Variants in RBFOX1 observed in about 807,000 individuals in gnomAD.
RBFOX1 encodes the protein RNA binding fox-1 homolog 1, also known as RNA binding protein fox-1 homolog 1.
RBFOX1 carries 8 observed loss-of-function variants against 57.7 expected under a neutral mutation model. That is an observed-to-expected ratio of 0.14 (90% CI 0.08 to 0.25). The LOEUF is 0.25. RBFOX1 is among the 10% of genes least tolerant of loss of function. The probability of loss-of-function intolerance (pLI) is 1.00; values close to 1 mark genes in which losing one functional copy is unlikely to be tolerated. For missense variants in RBFOX1, 611 were observed against 548.5 expected, an observed-to-expected ratio of 1.11 and a Z score of -1.14; for synonymous variants, 326 against 222.4, an observed-to-expected ratio of 1.47 and a Z score of -4.15.
chr16:7,465,238 T>C (rs1168254774), intron 4 of RBFOX1, among the ~76,000 whole-genome samples: 1 of 152,194 alleles, frequency 6.6e-6, no homozygotes, highest in East Asian at 1.9e-4. Context: ...GTCACTTCCT[T>C]AGAGGATCCT....
At chr16:6,305,958 T>C (rs1197187352) in intron 1 of RBFOX1, among the ~76,000 whole-genome samples, 1 of 152,104 alleles carries the variant, frequency 6.6e-6, no homozygotes, top group Non-Finnish European at 1.5e-5. Context: ...CAGTGCAGGG[T>C]GGTCCATGAA....
chr16:5,631,312 AT>A (rs2151304448), intron 3 of RBFOX1, among the ~76,000 whole-genome samples: 1 of 152,256 alleles, frequency 6.6e-6, no homozygotes, highest in East Asian at 1.9e-4. Flanking sequence ...TAATCCCAGC[AT>A]TTTGGGAAGC....
chr16:6,196,453 G>T (rs1002186565), intron 1 of RBFOX1, among the ~76,000 whole-genome samples: 1 of 152,098 alleles, frequency 6.6e-6, no homozygotes, highest in African/African-American at 2.4e-5. Context: ...CACATTGCAT[G>T]GGATACAGTA....
intron 3 of RBFOX1, among the ~76,000 whole-genome samples, chr16:7,019,806 A>G (rs1051569589): frequency 7.2e-5 from 11 of 152,150 alleles, no homozygotes; most frequent in Non-Finnish European, 1.0e-4. Flanking sequence ...CCCAATTCCC[A>G]TTAATCCTGA....
intron 4 of RBFOX1, among the ~76,000 whole-genome samples, chr16:7,068,679 C>G (rs1377525929): frequency 6.6e-6 from 1 of 152,182 alleles, no homozygotes; most frequent in Non-Finnish European, 1.5e-5. Flanking sequence ...CTCTGCCCCT[C>G]CGGGTTCAGG....
At chr16:6,786,459 A>G (rs2081978934) in intron 3 of RBFOX1, among the ~76,000 whole-genome samples, 2 of 152,172 alleles carry the variant, frequency 1.3e-5, no homozygotes, top group Non-Finnish European at 2.9e-5. Context: ...ACAGGGAAAA[A>G]GCAGAAAAAT....
chr16:5,981,627 C>G (rs2060174911), intron 4 of RBFOX1, among the ~76,000 whole-genome samples: 1 of 152,030 alleles, frequency 6.6e-6, no homozygotes, highest in South Asian at 2.1e-4. Flanking sequence ...CACTATCAGG[C>G]TGGGCCAATT....
At chr16:7,209,249 C>T (rs2090629012) in intron 4 of RBFOX1, among the ~76,000 whole-genome samples, 1 of 151,894 alleles carries the variant, frequency 6.6e-6, no homozygotes, top group Non-Finnish European at 1.5e-5. Context: ...GCAGGAGAAT[C>T]ACTTGAACCC....
intron 4 of RBFOX1, among the ~76,000 whole-genome samples, chr16:7,078,863 C>CTTTTTTTTTTT (rs57410575): frequency 1.9e-5 from 1 of 52,738 alleles, no homozygotes; most frequent in African/African-American, 7.8e-5. Context: ...ATATATATAC[C>CTTTTTTTTTTT]TTTTTTTTTT....
chr16:5,941,154 T>A (rs1872582204), intron 4 of RBFOX1, among the ~76,000 whole-genome samples: 1 of 152,148 alleles, frequency 6.6e-6, no homozygotes, highest in Non-Finnish European at 1.5e-5. Flanking sequence ...TAAGACTTTC[T>A]TGGTGGTGTG....
chr16:7,485,884 A>G (rs1396935702), intron 4 of RBFOX1, among the ~76,000 whole-genome samples: 1 of 152,172 alleles, frequency 6.6e-6, no homozygotes, highest in African/African-American at 2.4e-5. Context: ...TTTTGTAAAT[A>G]AAGTTTTATT....
intron 4 of RBFOX1, among the ~76,000 whole-genome samples, chr16:7,313,097 T>TC (rs1555697657): frequency 1.3e-5 from 2 of 152,126 alleles, no homozygotes; most frequent in Non-Finnish European, 2.9e-5. Context: ...GACTCGTACT[T>TC]CCACATCACT....
chr16:6,452,975 C>G (rs1400741313), intron 2 of RBFOX1, among the ~76,000 whole-genome samples: 4 of 152,168 alleles, frequency 2.6e-5, no homozygotes, highest in Non-Finnish European at 4.4e-5. Context: ...GTATGATGTT[C>G]AGCGTTGCTT....
intron 4 of RBFOX1, among the ~76,000 whole-genome samples, chr16:7,446,088 A>C (rs1412319595): frequency 6.6e-6 from 1 of 152,182 alleles, no homozygotes; most frequent in Non-Finnish European, 1.5e-5. Flanking sequence ...GATCTGGGTT[A>C]ACTGGGACTT....
chr16:6,066,905 G>T (rs2095771952), intron 1 of RBFOX1, among the ~76,000 whole-genome samples: 1 of 151,966 alleles, frequency 6.6e-6, no homozygotes. Flanking sequence ...TTTGACCGTT[G>T]ACTCACCATT....
intron 1 of RBFOX1, among the ~76,000 whole-genome samples, chr16:5,403,829 G>A (rs2066788327): frequency 6.6e-6 from 1 of 152,044 alleles, no homozygotes; most frequent in East Asian, 1.9e-4. Context: ...CTCACTCCTG[G>A]GTCCCAACTT....
rs1026305111 is a variant in RBFOX1 at position 6,269,726 on chromosome 16, G to T, written c.-126-47269G>T. Among the ~76,000 whole-genome samples the T allele has an allele frequency of 2.0e-5, 3 of 152,176 alleles. No homozygotes were observed. The South Asian group carries it at 6.2e-4, about 32-fold the overall frequency. ...GGTTGGCAGCTGGTCTACCTTAAAA[G>T]AATGGCTGAAAGAAATTTTCTAAAC... On this transcript the variant is annotated intron_variant, in intron 1 of 15. Transcript: ENST00000550418.
At chr16:6,812,740 A>C (rs939982682) in intron 3 of RBFOX1, among the ~76,000 whole-genome samples, 1 of 152,154 alleles carries the variant, frequency 6.6e-6, no homozygotes, top group African/African-American at 2.4e-5. Context: ...GCCTCATGCA[A>C]CATGGATTGT....
intron 3 of RBFOX1, among the ~76,000 whole-genome samples, chr16:5,637,296 C>G (rs544124706): frequency 2.6e-5 from 4 of 152,298 alleles, no homozygotes; most frequent in South Asian, 2.1e-4. Flanking sequence ...GTGTCTAGAG[C>G]AAACCCTGCC....
Sources: allele counts gnomAD v4.1 joint callset (sites outside exome capture counted in the v4.1 genomes callset), GRCh38; gene constraint gnomAD v4.1.1; transcripts MANE v1.5; gene names NCBI Gene and HGNC (gene_info 2026-07-23, HGNC 2026-07-21).